The following ZMAT4 variants were observed in gnomAD, a reference collection of about 807,000 sequenced individuals.
The protein encoded by ZMAT4 is zinc finger matrin-type 4.
ZMAT4 carries 17 observed loss-of-function variants against 28.7 expected under a neutral mutation model. The observed-to-expected ratio is 0.59, with a 90% CI of 0.41 to 0.89. ZMAT4 has a LOEUF of 0.89. Ranked by LOEUF, ZMAT4 falls within the 40% of genes least tolerant of loss-of-function variation. The probability of loss-of-function intolerance (pLI) is 0.00; values close to 1 mark genes in which losing one functional copy is unlikely to be tolerated. For synonymous variants in ZMAT4, 117 were observed against 109.2 expected, an observed-to-expected ratio of 1.07 and a Z score of -0.44; for missense variants, 240 against 283.8, an observed-to-expected ratio of 0.85 and a Z score of 1.11.
chr8:40,587,843 T>C (rs908230493), intron 5 of ZMAT4, among the ~76,000 whole-genome samples: 7 of 151,874 alleles, frequency 4.6e-5, no homozygotes. Context: ...AAAAGGAAGA[T>C]CAAATATACA....
chr8:40,553,369 A>G (rs1396874856), intron 6 of ZMAT4, among the ~76,000 whole-genome samples: 2 of 152,326 alleles, frequency 1.3e-5, no homozygotes, highest in African/African-American at 4.8e-5. Context: ...CTGGATGGCT[A>G]ATAGAAAACT....
chr8:40,537,480 C>A (rs1195654334), intron 6 of ZMAT4, among the ~76,000 whole-genome samples: 2 of 152,076 alleles, frequency 1.3e-5, no homozygotes, highest in Admixed American at 6.6e-5. Context: ...CTTCTGCTTC[C>A]TAATACATAT....
chr8:40,723,341 G>A (rs1563436773), intron 3 of ZMAT4, among the ~76,000 whole-genome samples: 1 of 152,076 alleles, frequency 6.6e-6, no homozygotes, highest in East Asian at 1.9e-4. Context: ...TCAGGAGTTT[G>A]ACACCAGCCT....
chr8:40,660,349 T>C (rs1010781029), intron 5 of ZMAT4, among the ~76,000 whole-genome samples: 2 of 152,228 alleles, frequency 1.3e-5, no homozygotes, highest in African/African-American at 4.8e-5. Context: ...ATTCTTACAG[T>C]AAAGATATGC....
intron 5 of ZMAT4, among the ~76,000 whole-genome samples, chr8:40,661,974 TTTTG>T (rs1049860513): frequency 2.0e-5 from 3 of 152,022 alleles, no homozygotes; most frequent in Admixed American, 6.6e-5. Context: ...AGGTTAATTT[TTTTG>T]TTTGTTTGTT....
chr8:40,703,389 C>T (rs1264683617), intron 3 of ZMAT4, among the ~76,000 whole-genome samples: 1 of 152,136 alleles, frequency 6.6e-6, no homozygotes, highest in African/African-American at 2.4e-5. Context: ...ATGGTATTTG[C>T]AACCAAAAGA....
chr8:40,843,143 G>C (rs1032823446), intron 1 of ZMAT4, among the ~76,000 whole-genome samples: 1 of 152,210 alleles, frequency 6.6e-6, no homozygotes, highest in Non-Finnish European at 1.5e-5. Flanking sequence ...CCCTGACAGA[G>C]AGGCAAGGCC....
intron 5 of ZMAT4, among the ~76,000 whole-genome samples, chr8:40,646,136 A>C (rs1807302785): frequency 6.6e-6 from 1 of 151,834 alleles, no homozygotes; most frequent in Admixed American, 6.6e-5. Context: ...ATATTCTGAA[A>C]ATTTTTGCTT....
chr8:40,575,077 G>C (rs1225023304), intron 6 of ZMAT4, among the ~76,000 whole-genome samples: 1 of 152,146 alleles, frequency 6.6e-6, no homozygotes, highest in African/African-American at 2.4e-5. Context: ...TCACATGAGT[G>C]GCTGCAACAT....
At chr8:40,561,002 C>T (rs994019830) in intron 6 of ZMAT4, among the ~76,000 whole-genome samples, 16 of 152,156 alleles carry the variant, frequency 1.1e-4, no homozygotes, top group African/African-American at 3.6e-4. Context: ...AGAGATTTAC[C>T]TCTCCATATT....
At chr8:40,647,021 C>T (rs1291104994) in intron 5 of ZMAT4, among the ~76,000 whole-genome samples, 2 of 152,050 alleles carry the variant, frequency 1.3e-5, no homozygotes, top group African/African-American at 4.8e-5. Context: ...CATAATGGAA[C>T]AAAATTAGAA....
intron 1 of ZMAT4, among the ~76,000 whole-genome samples, chr8:40,861,376 G>A (rs1038616687): frequency 2.0e-5 from 3 of 152,156 alleles, no homozygotes; most frequent in Non-Finnish European, 4.4e-5. Context: ...GCCATATGTA[G>A]AAAGCTGAAA....
At position 40,795,276 on chromosome 8, in the gene ZMAT4, G is replaced by A. The variant is rs115293104; in HGVS notation, c.103-27546C>T. ...TGTGGCCAATGGTTTGCACACTCAC[G>A]TGAAACACCCATGCAAAGAGGCCCT... On this transcript the variant is annotated intron_variant, in intron 2 of 6. Transcript: ENST00000297737. Among the ~76,000 whole-genome samples, 1,239 of 152,176 alleles carry A rather than the reference G, an allele frequency of 8.1e-3. 23 individuals are homozygous for A. Among genetic ancestry groups the A allele is most frequent in the African/African-American group, 0.028 (1,168 of 41,518 alleles).
intron 1 of ZMAT4, among the ~76,000 whole-genome samples, chr8:40,848,790 G>A (rs980291353): frequency 6.6e-6 from 1 of 152,156 alleles, no homozygotes; most frequent in African/African-American, 2.4e-5. Flanking sequence ...GGTAATACCA[G>A]TACTGTTACT....
chr8:40,702,721 A>G (rs28452002), intron 3 of ZMAT4, among the ~76,000 whole-genome samples: 2,262 of 152,202 alleles, frequency 0.015, 54 homozygotes, highest in African/African-American at 0.051. Flanking sequence ...GTTCGGTGAA[A>G]CTCCTTATGG....
At chr8:40,785,346 C>T (rs952896438) in intron 2 of ZMAT4, among the ~76,000 whole-genome samples, 1 of 152,226 alleles carries the variant, frequency 6.6e-6, no homozygotes, top group Non-Finnish European at 1.5e-5. Flanking sequence ...AACTGCCCAG[C>T]TTGTCTCATG....
intron 5 of ZMAT4, among the ~76,000 whole-genome samples, chr8:40,581,943 G>T (rs1401742463): frequency 6.6e-6 from 1 of 152,152 alleles, no homozygotes; most frequent in Non-Finnish European, 1.5e-5. Flanking sequence ...CTGATCTAGA[G>T]CCAATTTATG....
chr8:40,783,442 T>C (rs1273871162), intron 2 of ZMAT4, among the ~76,000 whole-genome samples: 3 of 152,186 alleles, frequency 2.0e-5, no homozygotes, highest in East Asian at 1.9e-4. Context: ...TACTAACCTA[T>C]GCTGCTAGTG....
At chr8:40,621,104 G>C (rs1319206027) in intron 5 of ZMAT4, among the ~76,000 whole-genome samples, 1 of 152,194 alleles carries the variant, frequency 6.6e-6, no homozygotes, top group Non-Finnish European at 1.5e-5. Context: ...TGAGTACCAT[G>C]AAGAACATGG....
Sources: allele counts gnomAD v4.1 joint callset (sites outside exome capture counted in the v4.1 genomes callset), GRCh38; gene constraint gnomAD v4.1.1; transcripts MANE v1.5; gene names NCBI Gene and HGNC (gene_info 2026-07-23, HGNC 2026-07-21).